The following NFIX variants were observed in gnomAD, a reference collection of about 807,000 sequenced individuals.
NFIX encodes the protein nuclear factor I X, also known as nuclear factor 1 X-type.
Under a neutral mutation model 53.3 loss-of-function variants are expected in NFIX, and 2 were observed. The ratio of observed to expected loss-of-function variants is 0.04; its 90% CI spans 0.02 to 0.12. The LOEUF is 0.12. NFIX is among the 10% of genes least tolerant of loss of function. The pLI, the probability that NFIX is intolerant of heterozygous loss-of-function variation, is 1.00. For synonymous variants in NFIX, 244 were observed against 289.0 expected (o/e 0.84, Z 1.58); for missense variants, 310 against 674.5 (o/e 0.46, Z 5.99).
At position 13,002,960 on chromosome 19, in the gene NFIX, G is replaced by C. The variant is rs1320432364; in HGVS notation, c.27+7096G>C. ...CCCCACCTGAATCTGTGTGAGCCAA[G>C]CTGGAGGAAAGGACAGCATGGAGGT... On this transcript the variant is annotated intron_variant, in intron 1 of 10. Transcript: ENST00000592199. This position sits in a 1 kb window ranked among gnomAD's most constrained non-coding sequence, Gnocchi z 6.1. Among the ~76,000 whole-genome samples the C allele has an allele frequency of 6.6e-6, 1 of 152,180 alleles. No individual in the cohort carries two copies. Among genetic ancestry groups the C allele is most frequent in the Non-Finnish European group, 1.5e-5 (1 of 68,030 alleles).
Position 13,098,471 on chromosome 19 carries a change from T to C in NFIX, c.*3822T>C, listed in dbSNP as rs1227104755. 6.6e-6 allele frequency: 1 copy of C among 152,392 alleles called. No individual in the cohort carries two copies. Among genetic ancestry groups the C allele is most frequent in the Non-Finnish European group, 1.5e-5 (1 of 68,324 alleles). 9.4% of individuals were successfully genotyped at this position (152,392 alleles called of 1,614,324 possible). On this transcript the variant is annotated 3_prime_UTR_variant, in exon 11 of 11. Coordinates refer to ENST00000592199, the MANE Select transcript of NFIX (RefSeq NM_001365902.3). ...TATCTCTATATATAGTACTAATGGA[T>C]TTGGTGTGCTTCCCCCTTAGCGTCC...
rs978052192 is a variant in NFIX, at chr19:13,009,018, C to G, written c.27+13154C>G. 6.6e-5 allele frequency among the ~76,000 whole-genome samples: 10 copies of G among 152,190 alleles called. No individual in the cohort carries two copies. Among genetic ancestry groups the G allele is most frequent in the African/African-American group, 2.4e-4 (10 of 41,434 alleles). ...TTTGCGGGGGTCTCCCAGTCCCAGT[C>G]CCACACACTGCCTCATCCCCACTCA... On this transcript the variant is annotated intron_variant, in intron 1 of 10. Coordinates refer to ENST00000592199, the MANE Select transcript of NFIX (RefSeq NM_001365902.3). The surrounding 1 kb of genome is among the most constrained non-coding windows in gnomAD (Gnocchi z 4.7).
At chr19:12,997,805 A>T (rs540307623) in intron 1 of NFIX, among the ~76,000 whole-genome samples, 77 of 152,328 alleles carry the variant, frequency 5.1e-4, no homozygotes, top group African/African-American at 1.8e-3. Context: ...TACGCCGGTG[A>T]CATGGCTAGG....
rs1246899487 is a variant in NFIX, at chr19:13,081,204, C to T, written c.1079-476C>T. 1.3e-5 allele frequency among the ~76,000 whole-genome samples: 2 copies of T among 151,506 alleles called. No individual in the cohort carries two copies. Among genetic ancestry groups the T allele is most frequent in the Admixed American group, 1.3e-4 (2 of 15,228 alleles). ...CCTGTAGTGCTGGTTACTTGGGGGG[C>T]TGAGGTGGGAGGATTGCATGAGCCC... On this transcript the variant is annotated intron_variant, in intron 7 of 10. Transcript: ENST00000592199. The surrounding 1 kb of genome is among the most constrained non-coding windows in gnomAD (Gnocchi z 4.7).
intron 2 of NFIX, among the ~76,000 whole-genome samples, chr19:13,065,430 C>T (rs185087398): frequency 6.6e-6 from 1 of 152,320 alleles, no homozygotes; most frequent in African/African-American, 2.4e-5. Flanking sequence ...TGCCCTGGGT[C>T]CACTTGTTCC....
At position 13,090,925 on chromosome 19, in the gene NFIX, T is replaced by A. The variant is rs1220475573; in HGVS notation, c.1494+535T>A. Among the ~76,000 whole-genome samples the A allele has an allele frequency of 1.3e-5, 2 of 152,090 alleles. No homozygotes were observed. Among genetic ancestry groups the A allele is most frequent in the Non-Finnish European group, 2.9e-5 (2 of 67,994 alleles). On this transcript the variant is annotated intron_variant, in intron 10 of 10. Transcript: ENST00000592199. The surrounding 1 kb of genome is among the most constrained non-coding windows in gnomAD (Gnocchi z 6.6). ...CTCACCCAAGTCTCCAGGAGTCCTG[T>A]TAGGGAGAAGGCCAGCATGCTGGAG... is the stretch of plus-strand genomic sequence containing the variant.
intron 2 of NFIX, among the ~76,000 whole-genome samples, chr19:13,026,752 G>GTT (rs2145199605): frequency 6.7e-6 from 1 of 149,360 alleles, no homozygotes; most frequent in South Asian, 2.1e-4. Context: ...CTCTGTGTGT[G>GTT]TGTGTGTGTG....
At position 12,998,264 on chromosome 19, in the gene NFIX, C is replaced by A. The variant is rs998420453; in HGVS notation, c.27+2400C>A. Among the ~76,000 whole-genome samples, 23 of 151,974 alleles carry A rather than the reference C, an allele frequency of 1.5e-4. No individual in the cohort carries two copies. The highest frequency in any genetic ancestry group is 7.4e-5 in the Non-Finnish European group (5 of 68,004). ...AGTTTTGGCCCCATCTCTGCTCCCC[C>A]CTCCACTGGCGTCTCGGACTCTCTC... On this transcript the variant is annotated intron_variant, in intron 1 of 10. Transcript: ENST00000592199. This position sits in a 1 kb window ranked among gnomAD's most constrained non-coding sequence, Gnocchi z 4.4.
chr19:13,010,128 C>T (rs111284458), intron 1 of NFIX, among the ~76,000 whole-genome samples: 64 of 152,354 alleles, frequency 4.2e-4, no homozygotes, highest in Non-Finnish European at 7.6e-4. Flanking sequence ...GCTCCTGGGG[C>T]TTCCCCCATT....
chr19:13,095,962 A>G lies in NFIX; in HGVS notation c.*1313A>G, dbSNP rs2018422841. 6.6e-6 allele frequency: 1 copy of G among 152,126 alleles called. No individual in the cohort carries two copies. Among genetic ancestry groups the G allele is most frequent in the Non-Finnish European group, 1.5e-5 (1 of 68,070 alleles). 9.4% of individuals were successfully genotyped at this position (152,126 alleles called of 1,614,324 possible). On this transcript the variant is annotated 3_prime_UTR_variant, in exon 11 of 11. Coordinates refer to ENST00000592199, the MANE Select transcript of NFIX (RefSeq NM_001365902.3). The stretch of plus-strand genomic sequence containing the variant: ...ATGGGAACTCCTCCTCCATTTGAGC[A>G]ACTTGGGAACAATTTGGTAACACAC...
chr19:13,013,882 T>C lies in NFIX; in HGVS notation c.28-11139T>C, dbSNP rs1162050558. 6.6e-6 allele frequency: 1 copy of C among 152,176 alleles called. No individual in the cohort carries two copies. The highest frequency in any genetic ancestry group is 2.4e-5 in the African/African-American group (1 of 41,436). The allele number at this position is 152,176 out of a possible 1,614,324, so 9.4% of individuals were successfully genotyped here. On this transcript the variant is annotated intron_variant, in intron 1 of 10. Coordinates refer to ENST00000592199, the MANE Select transcript of NFIX (RefSeq NM_001365902.3). The surrounding 1 kb of genome is among the most constrained non-coding windows in gnomAD (Gnocchi z 5.9). ...GATCTCCGCCACTGAAAAGGCGCTA[T>C]AGAAATGCAAGGAATTATGATTTTA...
chr19:13,045,797 G>C lies in NFIX; in HGVS notation c.559+20245G>C, dbSNP rs1599778799. 6.6e-6 allele frequency among the ~76,000 whole-genome samples: 1 copy of C among 152,214 alleles called. No individual in the cohort carries two copies. Among genetic ancestry groups the C allele is most frequent in the Non-Finnish European group, 1.5e-5 (1 of 68,038 alleles). The stretch of plus-strand genomic sequence containing the variant: ...TCCTCCAGTGCAAGAGCTGGATCCA[G>C]GATTGGAGAATTTGCTCTTGCCCAC... On this transcript the variant is annotated intron_variant, in intron 2 of 10. Coordinates refer to ENST00000592199, the MANE Select transcript of NFIX (RefSeq NM_001365902.3). This position sits in a 1 kb window ranked among gnomAD's most constrained non-coding sequence, Gnocchi z 4.4.
At position 13,040,164 on chromosome 19, in the gene NFIX, CCTT is replaced by C. The variant is rs1210967775; in HGVS notation, c.559+14618_559+14620del. Among the ~76,000 whole-genome samples the C allele has an allele frequency of 6.6e-6, 1 of 152,188 alleles. No individual in the cohort carries two copies. Among genetic ancestry groups the C allele is most frequent in the Non-Finnish European group, 1.5e-5 (1 of 68,020 alleles). On this transcript the variant is annotated intron_variant, in intron 2 of 10. Coordinates refer to ENST00000592199, the MANE Select transcript of NFIX (RefSeq NM_001365902.3). The surrounding 1 kb of genome is among the most constrained non-coding windows in gnomAD (Gnocchi z 4.2). The stretch of plus-strand genomic sequence containing the variant: ...TCTCAGGAAAATGGGGAAGGAGCAG[CCTT>C]CTTCTCAGCCCCTTCCTTCACCCCT...
At chr19:13,084,644 C>T (rs940931888) in intron 8 of NFIX, among the ~76,000 whole-genome samples, 1 of 151,992 alleles carries the variant, frequency 6.6e-6, no homozygotes. Flanking sequence ...AAGAGACTGC[C>T]AAGTGAACAT....
At position 13,006,384 on chromosome 19, in the gene NFIX, T is replaced by G. The variant is rs2012015886; in HGVS notation, c.27+10520T>G. Among the ~76,000 whole-genome samples, 2 of 152,222 alleles carry G rather than the reference T, an allele frequency of 1.3e-5. No homozygotes were observed. Among genetic ancestry groups the G allele is most frequent in the African/African-American group, 4.8e-5 (2 of 41,448 alleles). The stretch of plus-strand genomic sequence containing the variant: ...CCCAGACCATGTTGCCTGTCATTTC[T>G]TCAATCTGAGCTCATCTATTATCCA... On this transcript the variant is annotated intron_variant, in intron 1 of 10. Coordinates refer to ENST00000592199, the MANE Select transcript of NFIX (RefSeq NM_001365902.3). The surrounding 1 kb of genome is among the most constrained non-coding windows in gnomAD (Gnocchi z 5.6).
rs375677846 is a variant in NFIX at position 13,034,135 on chromosome 19, G to A, written c.559+8583G>A. On this transcript the variant is annotated intron_variant, in intron 2 of 10. Coordinates refer to ENST00000592199, the MANE Select transcript of NFIX (RefSeq NM_001365902.3). ...TCCTTGAACTTCATCAGGATTACTGGCTTTGGCAGAGTCTCAGAGGAGAAA... is the reference window on the plus strand; with the variant it reads ...TCCTTGAACTTCATCAGGATTACTGACTTTGGCAGAGTCTCAGAGGAGAAA... Among the ~76,000 whole-genome samples the A allele has an allele frequency of 1.1e-3, 165 of 152,296 alleles. 2 individuals carry two copies. Among genetic ancestry groups the A allele is most frequent in the African/African-American group, 3.8e-3 (159 of 41,556 alleles).
rs1207277188 is a variant in NFIX at position 13,088,763 on chromosome 19, T to C, written c.1402+627T>C. 6.6e-6 allele frequency among the ~76,000 whole-genome samples: 1 copy of C among 152,104 alleles called. No homozygotes were observed. The highest frequency in any genetic ancestry group is 2.4e-5 in the African/African-American group (1 of 41,426). On this transcript the variant is annotated intron_variant, in intron 9 of 10. Transcript: ENST00000592199. This position sits in a 1 kb window ranked among gnomAD's most constrained non-coding sequence, Gnocchi z 5.9. ...TCCCGTCCCTTCTCCGCAATTCCTT[T>C]CCCAGGTTAGATGTTCCAAGGACGA...
chr19:13,094,643 C>T lies in NFIX; in HGVS notation c.1503C>T (p.Phe501=). Residue 501 remains phenylalanine, a synonymous_variant, in exon 11 of 11, where the codon TTC becomes TTT. Coordinates refer to ENST00000592199, the MANE Select transcript of NFIX (RefSeq NM_001365902.3). The surrounding 1 kb of genome is among the most constrained non-coding windows in gnomAD (Gnocchi z 4.3). ...LNIPQQSQSW[F]L is the part of the protein sequence containing the mutation. Reference sequence around the variant, plus strand: ...TTTTCATCCTGTTTCAGTCCTGGTTCCTCTGATAAGATCGACAAAAGAAAC... The same window carrying T: ...TTTTCATCCTGTTTCAGTCCTGGTTTCTCTGATAAGATCGACAAAAGAAAC... 3.3e-6 allele frequency: 5 copies of T among 1,536,170 alleles called. No individual in the cohort carries two copies. The highest frequency in any genetic ancestry group is 4.4e-6 in the Non-Finnish European group (5 of 1,146,874).
At position 13,073,785 on chromosome 19, in the gene NFIX, C is replaced by T. The variant is rs921540561; in HGVS notation, c.698-121C>T. ...AGCAGCCCAGATGGCCCACTTTCTCCCATCTCCTGGCCCCACAGTAAACTC... is the reference window on the plus strand; with the variant it reads ...AGCAGCCCAGATGGCCCACTTTCTCTCATCTCCTGGCCCCACAGTAAACTC... On this transcript the variant is annotated intron_variant, in intron 4 of 10. Coordinates refer to ENST00000592199, the MANE Select transcript of NFIX (RefSeq NM_001365902.3). The surrounding 1 kb of genome is among the most constrained non-coding windows in gnomAD (Gnocchi z 4.5). The T allele has an allele frequency of 9.5e-6, 13 of 1,362,202 alleles. No individual in the cohort carries two copies. The highest frequency in any genetic ancestry group is 5.2e-5 in the South Asian group (4 of 76,750). 84.4% of individuals were successfully genotyped at this position (1,362,202 alleles called of 1,614,324 possible). A position where few individuals can be genotyped will look rare whatever the true frequency, so the allele number is the denominator to read the frequency against.
Sources: gnomAD v4.1 joint callset for allele counts (sites outside exome capture counted in the v4.1 genomes callset) on GRCh38, gnomAD v4.1.1 for gene constraint, Gnocchi (gnomAD v3.1) non-coding constraint, MANE v1.5 for transcripts, NCBI Gene and HGNC (gene_info 2026-07-23, HGNC 2026-07-21) for gene names.